The following ALG6 variants were observed in gnomAD, a reference collection of about 807,000 sequenced individuals.
ALG6 encodes ALG6 alpha-1,3-glucosyltransferase, also known as dolichyl pyrophosphate Man9GlcNAc2 alpha-1,3-glucosyltransferase.
A neutral mutation model predicts 66.6 loss-of-function variants in ALG6; 46 were observed. The observed-to-expected ratio is 0.69, with a 90% confidence interval of 0.55 to 0.88. The LOEUF (loss-of-function observed/expected upper bound fraction) is 0.88, where lower values mean the gene tolerates loss of function less well. Ranked by LOEUF, ALG6 falls within the 40% of genes least tolerant of loss-of-function variation. The pLI is 0.00. For missense variants in ALG6, 505 were observed against 586.8 expected (o/e 0.86, Z 1.44); for synonymous variants, 185 against 203.7 (o/e 0.91, Z 0.78).
intron 10 of ALG6, among the ~76,000 whole-genome samples, chr1:63,415,123 A>T (rs1223707345): frequency 6.6e-6 from 1 of 152,190 alleles, no homozygotes; most frequent in East Asian, 1.9e-4. Flanking sequence ...TTTCCCTTGT[A>T]GCCCACCCTA....
At chr1:63,420,386 A>G (rs1237406269) in intron 12 of ALG6, among the ~76,000 whole-genome samples, 1 of 152,130 alleles carries the variant, frequency 6.6e-6, no homozygotes, top group Non-Finnish European at 1.5e-5. Context: ...ACATGTATTA[A>G]TATATTTCCC....
At chr1:63,403,807 C>T (rs1644477104) in intron 4 of ALG6, among the ~76,000 whole-genome samples, 1 of 152,146 alleles carries the variant, frequency 6.6e-6, no homozygotes, top group African/African-American at 2.4e-5. Context: ...CATATCAACA[C>T]ATAGCTAGCG....
At chr1:63,427,593 T>G (rs1309382351) in intron 12 of ALG6, among the ~76,000 whole-genome samples, 1 of 152,044 alleles carries the variant, frequency 6.6e-6, no homozygotes, top group Non-Finnish European at 1.5e-5. Flanking sequence ...TTATTTCCAT[T>G]TCCACTTAAG....
intron 2 of ALG6, among the ~76,000 whole-genome samples, chr1:63,383,958 C>T (rs1207122935): frequency 6.6e-6 from 1 of 152,182 alleles, no homozygotes; most frequent in Non-Finnish European, 1.5e-5. Flanking sequence ...CACTTAACAT[C>T]ATGACCTCCA....
intron 3 of ALG6, among the ~76,000 whole-genome samples, chr1:63,400,194 C>CA (rs71577211): frequency 0.18 from 3,531 of 19,460 alleles, 829 homozygotes; most frequent in East Asian, 0.29. Context: ...AACTCTGTCT[C>CA]AAAAAAAAAA....
intron 2 of ALG6, among the ~76,000 whole-genome samples, chr1:63,379,981 G>A (rs941282828): frequency 6.6e-6 from 1 of 151,632 alleles, no homozygotes; most frequent in African/African-American, 2.4e-5. Flanking sequence ...AGGGGCAAAA[G>A]CAACAGGTTT....
chr1:63,432,336 A>C (rs1360313619), intron 14 of ALG6, among the ~76,000 whole-genome samples: 2 of 151,976 alleles, frequency 1.3e-5, no homozygotes, highest in Non-Finnish European at 2.9e-5. Flanking sequence ...TTGAATTCCT[A>C]GGATAAATCC....
intron 14 of ALG6, among the ~76,000 whole-genome samples, chr1:63,431,797 G>T (rs1644646955): frequency 6.6e-6 from 1 of 152,040 alleles, no homozygotes; most frequent in Non-Finnish European, 1.5e-5. Flanking sequence ...TGATGCTATT[G>T]TAAAGGAATT....
rs151059528 is a variant in ALG6 at position 63,412,896 on chromosome 1, A to G, written c.816+835A>G. On this transcript the variant is annotated intron_variant, in intron 9 of 14. Transcript: ENST00000263440. ...AAGCATATTTTCCTAAGTTTTGAAT[A>G]TATAAATTTCTATAGAATATCTTTC... 3.5e-3 allele frequency among the ~76,000 whole-genome samples: 528 copies of G among 152,326 alleles called. 3 individuals are homozygous for G. Among genetic ancestry groups the G allele is most frequent in the African/African-American group, 0.011 (467 of 41,572 alleles).
At chr1:63,375,093 C>T (rs144420380) in intron 2 of ALG6, among the ~76,000 whole-genome samples, 2 of 151,868 alleles carry the variant, frequency 1.3e-5, no homozygotes, top group East Asian at 2.0e-4. Flanking sequence ...CCTAGCTACT[C>T]GGGCCTCTGA....
At chr1:63,410,679 T>G (rs1329609083) in intron 7 of ALG6, among the ~76,000 whole-genome samples, 3 of 152,232 alleles carry the variant, frequency 2.0e-5, no homozygotes, top group Non-Finnish European at 2.9e-5. Flanking sequence ...TTGTTTTAAT[T>G]AACAATGTTG....
chr1:63,402,154 A>G (rs1233497147), intron 3 of ALG6, 100 bp from the exon 4 acceptor site: 2 of 788,192 alleles, frequency 2.5e-6, no homozygotes, highest in Admixed American at 2.0e-5. Context: ...AGTAAATTAC[A>G]TTATTAAGCT....
At chr1:63,408,587 G>A (rs1247681658) in intron 7 of ALG6, among the ~76,000 whole-genome samples, 1 of 152,108 alleles carries the variant, frequency 6.6e-6, no homozygotes, top group East Asian at 1.9e-4. Context: ...ATAATCCCAA[G>A]TTGTTTTTAG....
intron 7 of ALG6, among the ~76,000 whole-genome samples, chr1:63,410,085 C>A (rs1644508901): frequency 6.6e-6 from 1 of 152,104 alleles, no homozygotes; most frequent in Non-Finnish European, 1.5e-5. Flanking sequence ...TCTCTAGGGT[C>A]TTGCAGGGTG....
intron 12 of ALG6, among the ~76,000 whole-genome samples, chr1:63,427,599 T>C (rs942483140): frequency 6.6e-6 from 1 of 152,064 alleles, no homozygotes; most frequent in Admixed American, 6.6e-5. Flanking sequence ...CCATTTCCAC[T>C]TAAGAAAATA....
intron 8 of ALG6, among the ~76,000 whole-genome samples, 153 bp from the exon 9 acceptor site, chr1:63,411,773 G>T (rs1026792802): frequency 6.6e-5 from 10 of 152,154 alleles, no homozygotes; most frequent in African/African-American, 2.4e-4. Context: ...TTTTACCTCT[G>T]ATTTGAGCAC....
At position 63,377,115 on chromosome 1, in the gene ALG6, C is replaced by A. The variant is rs1648159295; in HGVS notation, c.82+6056C>A. On this transcript the variant is annotated intron_variant, in intron 2 of 14. Transcript: ENST00000263440. Reference sequence around the variant, plus strand: ...TGGCTGGGATTACAGGCGTGCGCTGCCACACCCAGCTAATTTTTGCATTTT... The same window carrying A: ...TGGCTGGGATTACAGGCGTGCGCTGACACACCCAGCTAATTTTTGCATTTT... 2.0e-5 allele frequency among the ~76,000 whole-genome samples: 3 copies of A among 152,204 alleles called. No homozygotes were observed. The East Asian group carries it at 5.8e-4, about 29-fold the overall frequency.
intron 10 of ALG6, 94 bp downstream of exon 10, chr1:63,414,240 A>C (rs879108169): frequency 1.1e-6 from 1 of 907,038 alleles, no homozygotes. Context: ...TTAGGGAATG[A>C]GGTGTTTTTC....
intron 3 of ALG6, among the ~76,000 whole-genome samples, 153 bp downstream of exon 3, chr1:63,396,750 C>T (rs1036242715): frequency 3.3e-5 from 5 of 152,120 alleles, no homozygotes; most frequent in African/African-American, 1.2e-4. Context: ...TTTTGTAGGC[C>T]TGTCTTTGAA....
Sources: gnomAD v4.1 joint callset for allele counts (sites outside exome capture counted in the v4.1 genomes callset) on GRCh38, gnomAD v4.1.1 for gene constraint, MANE v1.5 for transcripts, NCBI Gene and HGNC (gene_info 2026-07-23, HGNC 2026-07-21) for gene names.